PDLIM3: variants seen among roughly 807,000 people sequenced by gnomAD.
PDLIM3 encodes PDZ and LIM domain 3, also known as PDZ and LIM domain protein 3.
Under a neutral mutation model 37.3 loss-of-function variants are expected in PDLIM3, and 36 were observed. The ratio of observed to expected loss-of-function variants is 0.97; its 90% CI spans 0.74 to 1.28. PDLIM3 has a LOEUF of 1.28. Among genes scored for constraint, PDLIM3 ranks in the 50% most tolerant of loss-of-function variants. PDLIM3 has a pLI of 0.00. For synonymous variants in PDLIM3, 174 were observed against 182.4 expected, an observed-to-expected ratio of 0.95 and a Z score of 0.37; for missense variants, 454 against 485.0, an observed-to-expected ratio of 0.94 and a Z score of 0.60.
At chr4:185,505,855 G>T (rs140402075) in intron 6 of PDLIM3, among the ~76,000 whole-genome samples, 1 of 152,230 alleles carries the variant, frequency 6.6e-6, no homozygotes, top group Non-Finnish European at 1.5e-5. Context: ...TGCCACAATA[G>T]CCACCCTAAT....
chr4:185,527,994 C>T (rs992827946), intron 1 of PDLIM3, among the ~76,000 whole-genome samples: 2 of 152,104 alleles, frequency 1.3e-5, no homozygotes, highest in Non-Finnish European at 2.9e-5. Context: ...TTTGAGGCCA[C>T]AGAGAGCTAT....
chr4:185,520,486 A>AGATCTGGGTGAAGACC (rs1428061480), intron 3 of PDLIM3, among the ~76,000 whole-genome samples: 2 of 25,372 alleles, frequency 7.9e-5, no homozygotes, highest in Admixed American at 1.0e-3. Flanking sequence ...TATTGTAAAT[A>AGATCTGGGTGAAGACC]TTCATATTTT....
chr4:185,505,188 T>C (rs774816784), intron 6 of PDLIM3, among the ~76,000 whole-genome samples: 1 of 152,254 alleles, frequency 6.6e-6, no homozygotes, highest in Non-Finnish European at 1.5e-5. Flanking sequence ...AGTTCATTCA[T>C]GGTGCGCCGT....
chr4:185,519,600 C>A (rs2095719933), intron 3 of PDLIM3, among the ~76,000 whole-genome samples: 1 of 152,044 alleles, frequency 6.6e-6, no homozygotes, highest in Non-Finnish European at 1.5e-5. Flanking sequence ...TTTTAAAAAT[C>A]TAGATATTAA....
rs10644832 is a variant in PDLIM3 at position 185,504,056 on chromosome 4, C to CTCA, written c.905+418_905+419insTGA. The stretch of plus-strand genomic sequence containing the variant: ...AGGATAATGTATTTTAAGTAACATC[C>CTCA]TGTTGCCTGTATTTGTTTCCCTGTG... On this transcript the variant is annotated intron_variant, in intron 7 of 7. Transcript: ENST00000284767. This position sits in a 1 kb window ranked among gnomAD's most constrained non-coding sequence, Gnocchi z 4.7. Among the ~76,000 whole-genome samples the CTCA allele has an allele frequency of 0.79, 120,288 of 151,760 alleles. 48,427 individuals carry two copies. Among genetic ancestry groups the CTCA allele is most frequent in the Non-Finnish European group, 0.87 (58,881 of 67,886 alleles).
intron 3 of PDLIM3, among the ~76,000 whole-genome samples, chr4:185,519,429 G>A (rs59725790): frequency 1.6e-4 from 24 of 152,234 alleles, no homozygotes; most frequent in African/African-American, 5.3e-4. Context: ...GGGACCACAG[G>A]CGTGTGCCAC....
At chr4:185,509,280 C>G (rs1226131827) in intron 4 of PDLIM3, among the ~76,000 whole-genome samples, 1 of 151,996 alleles carries the variant, frequency 6.6e-6, no homozygotes, top group Non-Finnish European at 1.5e-5. Flanking sequence ...TAGAAAAAAC[C>G]AATAAATGCT....
In PDLIM3 at chr4:185,504,401, T is replaced by C. The variant is rs2095692968; in HGVS notation, c.905+74A>G. ...GGTTTTCACAGTTGCCTTTAGTCTATAAAGTCTTAAAGGAGAAGAAATGAA... is the reference window on the plus strand; with the variant it reads ...GGTTTTCACAGTTGCCTTTAGTCTACAAAGTCTTAAAGGAGAAGAAATGAA... On this transcript the variant is annotated intron_variant, in intron 7 of 7. Transcript: ENST00000284767. The surrounding 1 kb of genome is among the most constrained non-coding windows in gnomAD (Gnocchi z 4.7). 7.8e-7 allele frequency: 1 copy of C among 1,283,914 alleles called. No homozygotes were observed. The allele number at this position is 1,283,914 out of a possible 1,614,324, so 79.5% of individuals were successfully genotyped here. A position where few individuals can be genotyped will look rare whatever the true frequency, so the allele number is the denominator to read the frequency against.
At chr4:185,506,457 T>C (rs1580236347) in intron 6 of PDLIM3, 65 bp downstream of exon 6, 1 of 1,601,218 alleles carries the variant, frequency 6.2e-7, no homozygotes, top group Non-Finnish European at 8.5e-7. Flanking sequence ...TTTGCTGTCG[T>C]CCCCGTCCCG....
intron 1 of PDLIM3, among the ~76,000 whole-genome samples, chr4:185,527,695 C>A (rs77900998): frequency 0.028 from 4,268 of 152,246 alleles, 205 homozygotes; most frequent in African/African-American, 0.098. Flanking sequence ...AATTTTCTCT[C>A]ATTTGTCAAA....
chr4:185,524,863 C>T lies in PDLIM3; in HGVS notation c.245+157G>A, dbSNP rs60148503. On this transcript the variant is annotated intron_variant, in intron 2 of 7. Coordinates refer to ENST00000284767, the MANE Select transcript of PDLIM3 (RefSeq NM_014476.6). ...GATTTGTCAACAACTGCTAGATTGA[C>T]TGACTTTAGTAAAGAATTAAGTAGC... Among the ~76,000 whole-genome samples, 1,351 of 152,320 alleles carry T rather than the reference C, an allele frequency of 8.9e-3. 26 individuals carry two copies. Among genetic ancestry groups the T allele is most frequent in the African/African-American group, 0.031 (1,287 of 41,564 alleles).
intron 7 of PDLIM3, 87 bp from the exon 8 acceptor site, chr4:185,502,570 G>T: frequency 8.1e-7 from 1 of 1,240,872 alleles, no homozygotes; most frequent in Non-Finnish European, 1.2e-6. Flanking sequence ...GAAGGCAGAT[G>T]TTCTCTATTT....
At chr4:185,525,249 G>A (rs1467671247) in intron 1 of PDLIM3, 78 bp from the exon 2 acceptor site, 2 of 1,387,586 alleles carry the variant, frequency 1.4e-6, no homozygotes, top group Non-Finnish European at 2.0e-6. Flanking sequence ...TTGTGTTTCA[G>A]CCTGGTAACA....
At chr4:185,513,255 CT>C (rs1036903583) in intron 4 of PDLIM3, 52 of 985,290 alleles carry the variant, frequency 5.3e-5, no homozygotes, top group Non-Finnish European at 5.9e-5. Flanking sequence ...CTTTCTGGAT[CT>C]GATATCACAA....
chr4:185,508,171 C>T, intron 5 of PDLIM3, 128 bp downstream of exon 5: 1 of 922,192 alleles, frequency 1.1e-6, no homozygotes, highest in South Asian at 1.4e-5. Context: ...GCAGTAAATC[C>T]TTAGTATTTT....
rs184376712 is a variant in PDLIM3, at chr4:185,503,044, G to C, written c.906-561C>G. Among the ~76,000 whole-genome samples the C allele has an allele frequency of 1.6e-4, 24 of 152,030 alleles. 1 individual carries two copies. The highest frequency in any genetic ancestry group is 1.4e-3 in the Admixed American group (22 of 15,248). On this transcript the variant is annotated intron_variant, in intron 7 of 7. Coordinates refer to ENST00000284767, the MANE Select transcript of PDLIM3 (RefSeq NM_014476.6). ...AGATCGAGACCATCCTGGCTAACAC[G>C]GTGAAACCCCATCTCTACTAAAAAA...
chr4:185,518,677 C>T (rs1429615914), intron 3 of PDLIM3, among the ~76,000 whole-genome samples: 1 of 152,084 alleles, frequency 6.6e-6, no homozygotes, highest in East Asian at 1.9e-4. Flanking sequence ...CCTTTTTTCT[C>T]CAGTGAGCAG....
At chr4:185,508,892 T>G (rs902003237) in intron 4 of PDLIM3, among the ~76,000 whole-genome samples, 6 of 152,246 alleles carry the variant, frequency 3.9e-5, no homozygotes, top group Non-Finnish European at 8.8e-5. Context: ...GCAGCTATCC[T>G]CACTTTTTAA....
At position 185,535,496 on chromosome 4, in the gene PDLIM3, G is replaced by T; in HGVS notation, c.-62C>A. On this transcript the variant is annotated 5_prime_UTR_variant, in exon 1 of 8. Coordinates refer to ENST00000284767, the MANE Select transcript of PDLIM3 (RefSeq NM_014476.6). ...CCGCGCAGGGCAGCCACTCCGCGCC[G>T]GGCGGCGTCCTGGCCCCGACCCGGG... 1 of 1,442,232 alleles carries T rather than the reference G, an allele frequency of 6.9e-7. No individual in the cohort carries two copies. Among genetic ancestry groups the T allele is most frequent in the Non-Finnish European group, 9.4e-7 (1 of 1,061,702 alleles). The allele number at this position is 1,442,232 out of a possible 1,614,324, so 89.3% of individuals were successfully genotyped here. A position where few individuals can be genotyped will look rare whatever the true frequency, so the allele number is the denominator to read the frequency against.
Sources: allele counts gnomAD v4.1 joint callset (sites outside exome capture counted in the v4.1 genomes callset), GRCh38; gene constraint gnomAD v4.1.1; non-coding constraint Gnocchi (gnomAD v3.1); transcripts MANE v1.5; gene names NCBI Gene and HGNC (gene_info 2026-07-23, HGNC 2026-07-21).